SSX2IP: variants seen among roughly 807,000 people sequenced by gnomAD.
The protein encoded by SSX2IP is afadin- and alpha-actinin-binding protein.
In SSX2IP, 55 loss-of-function variants were observed where a neutral mutation model predicts 84.9. The observed-to-expected ratio is 0.65, with a 90% CI of 0.52 to 0.81. The LOEUF is 0.81. Among genes scored for constraint, SSX2IP ranks in the 30% least tolerant of loss-of-function variants. The pLI is 0.00. For synonymous variants in SSX2IP, 239 were observed against 234.7 expected (o/e 1.02, Z -0.17); for missense variants, 664 against 705.2 (o/e 0.94, Z 0.66).
chr1:84,676,719 C>CTTTTTTTTTTTTT (rs61017474), intron 1 of SSX2IP, among the ~76,000 whole-genome samples: 5 of 99,488 alleles, frequency 5.0e-5, no homozygotes, highest in Non-Finnish European at 7.4e-5. Context: ...TGCTCTTTTC[C>CTTTTTTTTTTTTT]TTTTTTTTTT....
At position 84,664,552 on chromosome 1, in the gene SSX2IP, C is replaced by A; in HGVS notation, c.538G>T (p.Val180Leu). 2 of 1,565,618 alleles carry A rather than the reference C, an allele frequency of 1.3e-6. No homozygotes were observed. The highest frequency in any genetic ancestry group is 1.2e-5 in the South Asian group (1 of 81,906). Residue 180 changes from valine (V) to leucine (L), a missense_variant and splice_region_variant, in exon 6 of 14, where the codon GTG (valine) becomes TTG (leucine). Transcript: ENST00000342203. The part of the protein sequence containing the change: ...HQLLKNEKDE[V>L]QKLQNIIASR... The stretch of plus-strand genomic sequence containing the variant: ...GCAATGATATTTTGTAATTTTTGCA[C>A]CTGAAAAAGGCATTTGCTATTATAA...
At chr1:84,685,048 TAAAC>T (rs548635107) in intron 1 of SSX2IP, among the ~76,000 whole-genome samples, 9 of 152,138 alleles carry the variant, frequency 5.9e-5, no homozygotes, top group Non-Finnish European at 1.0e-4. Context: ...ATGGACCAAT[TAAAC>T]AAACGTGTCA....
intron 4 of SSX2IP, 114 bp downstream of exon 4, chr1:84,669,566 TA>T: frequency 1.2e-6 from 1 of 853,424 alleles, no homozygotes; most frequent in Non-Finnish European, 1.8e-6. Flanking sequence ...CTTACCTGTT[TA>T]AAAAGAAAAC....
chr1:84,673,157 T>C (rs753717527), intron 1 of SSX2IP, among the ~76,000 whole-genome samples: 6 of 152,058 alleles, frequency 3.9e-5, no homozygotes, highest in Admixed American at 1.3e-4. Context: ...TAGAAATAAA[T>C]ACTAAACAAA....
chr1:84,650,481 C>A lies in SSX2IP; in HGVS notation c.1551G>T (p.Lys517Asn). ...ACCCATTAGACACACTGTGAGGCTTCTTTTGCGGCTGCCTCGAGTGCACTA... is the reference window on the plus strand; with the variant it reads ...ACCCATTAGACACACTGTGAGGCTTATTTTGCGGCTGCCTCGAGTGCACTA... ...NLIVHSRQPQKKPHSVSNGSP... is the reference protein window; with the variant it reads ...NLIVHSRQPQNKPHSVSNGSP... The change falls in exon 13 of 14, where the codon AAG becomes AAT. Residue 517 changes from lysine to asparagine, a missense_variant. By Grantham distance (94) the Lys-to-Asn change is moderately conservative. Transcript: ENST00000342203. 1 of 1,614,166 alleles carries A rather than the reference C, an allele frequency of 6.2e-7. No individual in the cohort carries two copies. The highest frequency in any genetic ancestry group is 8.5e-7 in the Non-Finnish European group (1 of 1,180,026).
At position 84,671,292 on chromosome 1, in the gene SSX2IP, T is replaced by G; in HGVS notation, c.-73A>C. ...ACATTTAGTCTAGCTGCTGTCACTC[T>G]TCTATGTAGGCATCTCCTTAAAAAG... On this transcript the variant is annotated 5_prime_UTR_variant, in exon 2 of 14. Transcript: ENST00000342203. The G allele has an allele frequency of 6.3e-7, 1 of 1,582,910 alleles. No individual in the cohort carries two copies. The highest frequency in any genetic ancestry group is 8.6e-7 in the Non-Finnish European group (1 of 1,167,494).
At chr1:84,685,157 A>G (rs1007735980) in intron 1 of SSX2IP, among the ~76,000 whole-genome samples, 1 of 152,224 alleles carries the variant, frequency 6.6e-6, no homozygotes, top group African/African-American at 2.4e-5. Flanking sequence ...ATTTCAAACA[A>G]TTCTAAATTC....
At chr1:84,672,834 G>C (rs890528514) in intron 1 of SSX2IP, among the ~76,000 whole-genome samples, 4 of 152,146 alleles carry the variant, frequency 2.6e-5, no homozygotes, top group African/African-American at 4.8e-5. Flanking sequence ...AGACCAGTCT[G>C]GCCAACATGG....
chr1:84,678,038 A>G (rs1654609741), intron 1 of SSX2IP, among the ~76,000 whole-genome samples: 1 of 152,216 alleles, frequency 6.6e-6, no homozygotes, highest in Non-Finnish European at 1.5e-5. Flanking sequence ...ATATACATAA[A>G]TTTCTTGAGA....
chr1:84,677,371 CTGT>C (rs1388656744), intron 1 of SSX2IP, among the ~76,000 whole-genome samples: 2 of 152,176 alleles, frequency 1.3e-5, no homozygotes, highest in Non-Finnish European at 2.9e-5. Context: ...TTAATCACAT[CTGT>C]TTTTTCCATC....
intron 13 of SSX2IP, among the ~76,000 whole-genome samples, chr1:84,648,943 A>G (rs1174103601): frequency 6.6e-6 from 1 of 152,158 alleles, no homozygotes; most frequent in Non-Finnish European, 1.5e-5. Context: ...AGTGCCTCCT[A>G]ACTGGATTTC....
Position 84,651,876 on chromosome 1 carries a change from T to C in SSX2IP, c.1504+7A>G. 1 of 1,563,936 alleles carries C rather than the reference T, an allele frequency of 6.4e-7. No individual in the cohort carries two copies. The highest frequency in any genetic ancestry group is 1.1e-5 in the South Asian group (1 of 89,710). ...TGTTCAAATTAAAGAGTTTATAAAG[T>C]ACTCACTTCCTGAGAAGGCACTGAA... On this transcript the variant is annotated splice_region_variant and intron_variant, in intron 12 of 13. Coordinates refer to ENST00000342203, the MANE Select transcript of SSX2IP (RefSeq NM_001166293.2).
chr1:84,677,448 C>T (rs576644283), intron 1 of SSX2IP, among the ~76,000 whole-genome samples: 3 of 152,270 alleles, frequency 2.0e-5, no homozygotes, highest in Non-Finnish European at 4.4e-5. Context: ...GTTCTCAATA[C>T]ACAACAATAC....
intron 1 of SSX2IP, among the ~76,000 whole-genome samples, chr1:84,673,082 C>T (rs191140668): frequency 1.0e-3 from 159 of 152,296 alleles, no homozygotes; most frequent in African/African-American, 3.7e-3. Context: ...CTATGTGCTA[C>T]TACGTTTTCC....
rs1373407041 is a variant in SSX2IP, at chr1:84,662,186, A to G, written c.927+12T>C. ...ATCTGAAGACTGTATTAGAGAGGAAAGAGCCACTTACAGTTCCTGTACTAT... is the reference window on the plus strand; with the variant it reads ...ATCTGAAGACTGTATTAGAGAGGAAGGAGCCACTTACAGTTCCTGTACTAT... On this transcript the variant is annotated intron_variant, in intron 8 of 13. Transcript: ENST00000342203. The G allele has an allele frequency of 1.3e-6, 2 of 1,542,974 alleles. No individual in the cohort carries two copies. The highest frequency in any genetic ancestry group is 2.8e-5 in the African/African-American group (2 of 72,028).
At position 84,646,084 on chromosome 1, in the gene SSX2IP, G is replaced by A. The variant is rs905687167; in HGVS notation, c.*1349C>T. 2 of 152,512 alleles carry A rather than the reference G, an allele frequency of 1.3e-5. No individual in the cohort carries two copies. The highest frequency in any genetic ancestry group is 2.9e-5 in the Non-Finnish European group (2 of 68,038). 9.4% of individuals were successfully genotyped at this position (152,512 alleles called of 1,614,324 possible). On this transcript the variant is annotated 3_prime_UTR_variant, in exon 14 of 14. Transcript: ENST00000342203. ...TTTAAAATAGCCACAAACAGGGTGA[G>A]TGCATGTAAGCGGCTGAACTGCCAG... is the stretch of plus-strand genomic sequence containing the variant.
intron 1 of SSX2IP, among the ~76,000 whole-genome samples, chr1:84,687,049 G>C (rs1655899101): frequency 6.6e-6 from 1 of 152,092 alleles, no homozygotes; most frequent in African/African-American, 2.4e-5. Context: ...ATATCAAGTA[G>C]AAATATTAAG....
chr1:84,665,104 T>G (rs1444008716), intron 5 of SSX2IP, among the ~76,000 whole-genome samples: 1 of 152,196 alleles, frequency 6.6e-6, no homozygotes, highest in East Asian at 1.9e-4. Context: ...AATTTAGATC[T>G]ATTATAGTTT....
chr1:84,656,604 T>C, intron 9 of SSX2IP, 120 bp from the exon 10 acceptor site: 1 of 940,272 alleles, frequency 1.1e-6, no homozygotes, highest in South Asian at 3.9e-5. Context: ...TTTTATAGGT[T>C]TTCTAAAAAG....
Sources: allele counts gnomAD v4.1 joint callset (sites outside exome capture counted in the v4.1 genomes callset), GRCh38; gene constraint gnomAD v4.1.1; transcripts MANE v1.5; gene names NCBI Gene and HGNC (gene_info 2026-07-23, HGNC 2026-07-21).